Variants in SDK1 observed in about 807,000 individuals in gnomAD.
SDK1 encodes sidekick cell adhesion molecule 1.
In SDK1, 157 loss-of-function variants were observed where a neutral mutation model predicts 245.5. That is an observed-to-expected ratio of 0.64 (90% CI 0.56 to 0.73). The LOEUF is 0.73. SDK1 is among the 30% of genes least tolerant of loss of function. The pLI, the probability that SDK1 is intolerant of heterozygous loss-of-function variation, is 0.00. For synonymous variants in SDK1, 1,647 were observed against 1,278.5 expected (o/e 1.29, Z -6.15); for missense variants, 3,583 against 3,002.3 (o/e 1.19, Z -4.52).
At chr7:3,460,112 A>C (rs1314697283) in intron 1 of SDK1, among the ~76,000 whole-genome samples, 1 of 152,218 alleles carries the variant, frequency 6.6e-6, no homozygotes, top group Admixed American at 6.5e-5. Flanking sequence ...TATTATTTTC[A>C]TAAACTATTG....
intron 5 of SDK1, among the ~76,000 whole-genome samples, chr7:3,925,480 T>C (rs754060456): frequency 7.9e-5 from 12 of 152,182 alleles, no homozygotes; most frequent in Non-Finnish European, 1.5e-4. Context: ...ACTGCCTCTA[T>C]GAATCTCTCG....
chr7:3,835,058 G>A (rs555688428), intron 5 of SDK1, among the ~76,000 whole-genome samples: 142 of 152,128 alleles, frequency 9.3e-4, no homozygotes, highest in Admixed American at 1.5e-3. Context: ...CTTGGAGATC[G>A]CACTCAAGAC....
At chr7:3,665,959 G>T (rs573834356) in intron 4 of SDK1, among the ~76,000 whole-genome samples, 1 of 152,022 alleles carries the variant, frequency 6.6e-6, no homozygotes, top group Non-Finnish European at 1.5e-5. Flanking sequence ...ACAATTTCTC[G>T]GTTGGCTCAC....
chr7:3,475,595 A>G (rs774538469), intron 1 of SDK1, among the ~76,000 whole-genome samples: 1 of 152,208 alleles, frequency 6.6e-6, no homozygotes, highest in Non-Finnish European at 1.5e-5. Flanking sequence ...GAAAGAAATT[A>G]TTTCTCATTG....
intron 42 of SDK1, among the ~76,000 whole-genome samples, chr7:4,241,432 C>G (rs758755668): frequency 2.0e-5 from 3 of 152,096 alleles, no homozygotes; most frequent in Admixed American, 6.6e-5. Context: ...CCCAGGAACT[C>G]GAAACCAGCC....
intron 7 of SDK1, 94 bp downstream of exon 7, chr7:3,952,014 T>A (rs3801067): frequency 8.6e-6 from 10 of 1,168,674 alleles, no homozygotes; most frequent in Non-Finnish European, 1.1e-5. Flanking sequence ...TTTCAGTGGC[T>A]TTATTTGTAA....
Position 3,691,155 on chromosome 7 carries a change from C to T in SDK1, c.713+49050C>T, listed in dbSNP as rs372012607. Among the ~76,000 whole-genome samples, 5 of 150,152 alleles carry T rather than the reference C, an allele frequency of 3.3e-5. No individual in the cohort carries two copies. The South Asian group carries it at 6.4e-4, about 19-fold the overall frequency. On this transcript the variant is annotated intron_variant, in intron 4 of 44. Transcript: ENST00000404826. Reference sequence around the variant, plus strand: ...ACACCAATGTTTCATTCCTTAGAATCACCTTTCAACATGAATTCAAATGTA... The same window carrying T: ...ACACCAATGTTTCATTCCTTAGAATTACCTTTCAACATGAATTCAAATGTA...
intron 1 of SDK1, among the ~76,000 whole-genome samples, chr7:3,528,702 A>C (rs1783236816): frequency 6.6e-6 from 1 of 152,096 alleles, no homozygotes; most frequent in Non-Finnish European, 1.5e-5. Context: ...TTTATTTTGA[A>C]GGCGTAATAC....
chr7:4,057,617 C>G (rs551523008), intron 19 of SDK1, among the ~76,000 whole-genome samples: 2 of 152,250 alleles, frequency 1.3e-5, no homozygotes, highest in East Asian at 1.9e-4. Flanking sequence ...CCTAGAATGC[C>G]AAGAATGAGC....
chr7:3,381,327 C>A (rs1412512872), intron 1 of SDK1, among the ~76,000 whole-genome samples: 1 of 152,060 alleles, frequency 6.6e-6, no homozygotes, highest in East Asian at 1.9e-4. Context: ...CGAGTGAAGT[C>A]CACTAGGAAC....
At chr7:3,429,566 T>C (rs1434245568) in intron 1 of SDK1, among the ~76,000 whole-genome samples, 2 of 151,940 alleles carry the variant, frequency 1.3e-5, no homozygotes, top group African/African-American at 4.8e-5. Context: ...TATTTGAAAA[T>C]GTAATTTGAT....
rs142768947 is a variant in SDK1, at chr7:3,367,647, A to G, written c.298+65763A>G. The stretch of plus-strand genomic sequence containing the variant: ...TGTGGACAGATTTGCTCTGGGTGCT[A>G]TAGTCAGCTGAGTTGGAGTCTAGAC... On this transcript the variant is annotated intron_variant, in intron 1 of 44. Transcript: ENST00000404826. 4.7e-3 allele frequency among the ~76,000 whole-genome samples: 711 copies of G among 152,330 alleles called. 9 individuals carry two copies. The highest frequency in any genetic ancestry group is 0.016 in the African/African-American group (666 of 41,576).
rs1778877512 is a variant in SDK1 at position 3,723,375 on chromosome 7, T to G, written c.713+81270T>G. On this transcript the variant is annotated intron_variant, in intron 4 of 44. Transcript: ENST00000404826. The stretch of plus-strand genomic sequence containing the variant: ...ATAAGCCTTTGAAAAATACGGTATT[T>G]GTTGATAAAAGGAAACTTCTAAGGG... Among the ~76,000 whole-genome samples the G allele has an allele frequency of 2.0e-5, 3 of 152,244 alleles. 1 individual carries two copies. The South Asian group carries it at 6.2e-4, about 32-fold the overall frequency.
At chr7:3,702,943 A>G (rs1194222921) in intron 4 of SDK1, among the ~76,000 whole-genome samples, 2 of 152,118 alleles carry the variant, frequency 1.3e-5, no homozygotes, top group Non-Finnish European at 2.9e-5. Context: ...CCAAATACTC[A>G]GGAAGATGCA....
At chr7:3,360,578 G>C (rs1780924488) in intron 1 of SDK1, among the ~76,000 whole-genome samples, 2 of 152,144 alleles carry the variant, frequency 1.3e-5, no homozygotes, top group Non-Finnish European at 2.9e-5. Context: ...GCTGATGAAA[G>C]ATACAAATGT....
At chr7:4,110,092 G>C (rs1467615436) in intron 22 of SDK1, among the ~76,000 whole-genome samples, 1 of 152,156 alleles carries the variant, frequency 6.6e-6, no homozygotes, top group African/African-American at 2.4e-5. Context: ...TAAGGGGACT[G>C]GGCCTGCCGA....
intron 4 of SDK1, among the ~76,000 whole-genome samples, chr7:3,644,140 G>A (rs1194467533): frequency 6.6e-6 from 1 of 150,626 alleles, no homozygotes; most frequent in East Asian, 1.9e-4. Context: ...TACCTCAAAT[G>A]ATCCACCTGC....
intron 1 of SDK1, among the ~76,000 whole-genome samples, chr7:3,572,068 C>T (rs1034708042): frequency 3.3e-5 from 5 of 151,990 alleles, no homozygotes; most frequent in South Asian, 2.1e-4. Flanking sequence ...TGAAAGGACA[C>T]CCTTTAAAAT....
chr7:3,458,588 A>T (rs572663366), intron 1 of SDK1, among the ~76,000 whole-genome samples: 64 of 152,088 alleles, frequency 4.2e-4, no homozygotes, highest in African/African-American at 1.5e-3. Context: ...CAAGAAACAG[A>T]ACCATCTACA....
Sources: gnomAD v4.1 joint callset for allele counts (sites outside exome capture counted in the v4.1 genomes callset) on GRCh38, gnomAD v4.1.1 for gene constraint, MANE v1.5 for transcripts, NCBI Gene and HGNC (gene_info 2026-07-23, HGNC 2026-07-21) for gene names.